CTNNA2: variants seen among roughly 807,000 people sequenced by gnomAD.
The protein encoded by CTNNA2 is catenin alpha-2.
CTNNA2 carries 42 observed loss-of-function variants against 101.0 expected under a neutral mutation model. That is an observed-to-expected ratio of 0.42 (90% CI 0.32 to 0.54). The LOEUF is 0.54. CTNNA2 is among the 20% of genes least tolerant of loss of function. CTNNA2 has a pLI of 0.14. For missense variants in CTNNA2, 871 were observed against 1,223.1 expected (o/e 0.71, Z 4.29); for synonymous variants, 450 against 456.4 (o/e 0.99, Z 0.18).
chr2:80,595,329 C>G (rs555659674), intron 15 of CTNNA2, among the ~76,000 whole-genome samples: 1 of 152,220 alleles, frequency 6.6e-6, no homozygotes, highest in Admixed American at 6.5e-5. Context: ...TATCCTGCAA[C>G]TTGCCTGAAT....
At chr2:80,247,781 C>T (rs1013835083) in intron 7 of CTNNA2, among the ~76,000 whole-genome samples, 1 of 152,018 alleles carries the variant, frequency 6.6e-6, no homozygotes, top group African/African-American at 2.4e-5. Context: ...GCATCTGTAA[C>T]TTAGATTATG....
chr2:79,597,581 G>T (rs945044087), intron 1 of CTNNA2, among the ~76,000 whole-genome samples: 2 of 152,090 alleles, frequency 1.3e-5, no homozygotes, highest in African/African-American at 4.8e-5. Context: ...AGGGGCCTTA[G>T]ATCTCTTCCA....
intron 7 of CTNNA2, among the ~76,000 whole-genome samples, chr2:80,132,124 T>C (rs527679897): frequency 2.4e-4 from 36 of 152,242 alleles, no homozygotes; most frequent in African/African-American, 8.7e-4. Context: ...AGTTTAATTT[T>C]CTGCTTGGAT....
intron 3 of CTNNA2, among the ~76,000 whole-genome samples, chr2:79,359,180 C>T (rs966769539): frequency 6.6e-6 from 1 of 152,002 alleles, no homozygotes; most frequent in Non-Finnish European, 1.5e-5. Flanking sequence ...ACTGTGGATG[C>T]CTGGTTTGGG....
intron 7 of CTNNA2, among the ~76,000 whole-genome samples, chr2:79,924,767 A>G (rs1340892707): frequency 2.0e-5 from 3 of 152,028 alleles, no homozygotes; most frequent in Non-Finnish European, 4.4e-5. Flanking sequence ...TAGTTGGAGG[A>G]TCTATTTGAT....
At chr2:79,618,954 C>G (rs1484390275) in intron 1 of CTNNA2, among the ~76,000 whole-genome samples, 1 of 152,134 alleles carries the variant, frequency 6.6e-6, no homozygotes, top group Non-Finnish European at 1.5e-5. Context: ...GCCTGTAATC[C>G]CAGCACTTTG....
At chr2:80,238,796 G>A (rs1174827492) in intron 7 of CTNNA2, among the ~76,000 whole-genome samples, 1 of 152,074 alleles carries the variant, frequency 6.6e-6, no homozygotes, top group African/African-American at 2.4e-5. Context: ...ACATCAACAC[G>A]GTAGAAACAT....
chr2:79,231,573 G>A (rs1214508045), intron 2 of CTNNA2, among the ~76,000 whole-genome samples: 2 of 152,132 alleles, frequency 1.3e-5, no homozygotes, highest in African/African-American at 2.4e-5. Flanking sequence ...ATGAATTTTA[G>A]AATAGATTTC....
At chr2:80,640,814 AAC>A (rs934937313) in intron 18 of CTNNA2, among the ~76,000 whole-genome samples, 4 of 150,410 alleles carry the variant, frequency 2.7e-5, no homozygotes, top group Non-Finnish European at 6.0e-5. Context: ...TGAGGGAGAT[AAC>A]AGTTTAAATA....
At chr2:80,465,953 T>C (rs1158367454) in intron 9 of CTNNA2, among the ~76,000 whole-genome samples, 1 of 152,234 alleles carries the variant, frequency 6.6e-6, no homozygotes, top group East Asian at 1.9e-4. Flanking sequence ...TCTCACATAG[T>C]TGGTTATTTA....
At chr2:79,768,041 T>C (rs78588365) in intron 3 of CTNNA2, among the ~76,000 whole-genome samples, 25,604 of 151,548 alleles carry the variant, frequency 0.17, 2,260 homozygotes, top group Admixed American at 0.21. Flanking sequence ...CTTTGGCATT[T>C]GGTGATGAGG....
At chr2:80,330,932 C>T (rs1046891865) in intron 7 of CTNNA2, among the ~76,000 whole-genome samples, 2 of 151,968 alleles carry the variant, frequency 1.3e-5, no homozygotes, top group Admixed American at 6.6e-5. Context: ...TCAGATTTGC[C>T]ACAAGGTACT....
intron 9 of CTNNA2, among the ~76,000 whole-genome samples, chr2:80,472,018 C>T (rs144064622): frequency 1.1e-4 from 17 of 151,794 alleles, no homozygotes; most frequent in African/African-American, 2.9e-4. Context: ...CCCAGCTACT[C>T]GGGAGGCTGA....
chr2:79,223,737 T>C (rs1414096011), intron 2 of CTNNA2, among the ~76,000 whole-genome samples: 1 of 152,192 alleles, frequency 6.6e-6, no homozygotes, highest in South Asian at 2.1e-4. Flanking sequence ...AGCTGACAGT[T>C]GGTGGCACTG....
At chr2:79,482,962 A>G (rs1274588161) in intron 4 of CTNNA2, among the ~76,000 whole-genome samples, 1 of 152,220 alleles carries the variant, frequency 6.6e-6, no homozygotes, top group African/African-American at 2.4e-5. Context: ...CTTACAACAT[A>G]GAATCATCCA....
chr2:80,229,602 T>G (rs557082363), intron 7 of CTNNA2, among the ~76,000 whole-genome samples: 3 of 152,162 alleles, frequency 2.0e-5, no homozygotes, highest in Non-Finnish European at 4.4e-5. Context: ...ACCTGGCAGC[T>G]CCCTGAACTC....
chr2:79,517,304 T>C (rs2103853429), intron 1 of CTNNA2, among the ~76,000 whole-genome samples: 1 of 152,320 alleles, frequency 6.6e-6, no homozygotes, highest in East Asian at 1.9e-4. Flanking sequence ...GTTTGAAGTA[T>C]CAGTATTTAT....
At chr2:79,486,823 A>G (rs1671163152) in intron 4 of CTNNA2, among the ~76,000 whole-genome samples, 1 of 152,186 alleles carries the variant, frequency 6.6e-6, no homozygotes, top group Non-Finnish European at 1.5e-5. Flanking sequence ...ATTTAAAATG[A>G]TTATACCGAC....
chr2:80,033,972 T>TAAAAAAAAAAAAAAAAAAAAAAAAATA (rs70940069), intron 7 of CTNNA2, among the ~76,000 whole-genome samples: 1 of 84,246 alleles, frequency 1.2e-5, no homozygotes, highest in Non-Finnish European at 2.2e-5. Flanking sequence ...GCTTATAATG[T>TAAAAAAAAAAAAAAAAAAAAAAAAATA]AAAAAAAAAA....
Sources: allele counts gnomAD v4.1 joint callset (sites outside exome capture counted in the v4.1 genomes callset), GRCh38; gene constraint gnomAD v4.1.1; transcripts MANE v1.5; gene names NCBI Gene and HGNC (gene_info 2026-07-23, HGNC 2026-07-21).